SULF1: variants seen among roughly 807,000 people sequenced by gnomAD.
SULF1 encodes sulfatase 1.
Under a neutral mutation model 110.5 loss-of-function variants are expected in SULF1, and 46 were observed. The observed-to-expected ratio is 0.42, with a 90% CI of 0.33 to 0.53. The LOEUF (loss-of-function observed/expected upper bound fraction) is 0.53, where lower values mean the gene tolerates loss of function less well. SULF1 is among the 20% of genes least tolerant of loss of function. The pLI is 0.12. For missense variants in SULF1, 941 were observed against 1,094.2 expected (o/e 0.86, Z 1.98); for synonymous variants, 371 against 387.1 (o/e 0.96, Z 0.49).
chr8:69,569,913 GA>G (rs5892204), intron 5 of SULF1, among the ~76,000 whole-genome samples: 48,803 of 149,396 alleles, frequency 0.33, 8,083 homozygotes, highest in Middle Eastern at 0.41. Flanking sequence ...AGTTTGGGTA[GA>G]AAAAAAAATA....
In SULF1 at chr8:69,603,218, AC is replaced by A; in HGVS notation, c.1089del (p.Leu364TrpfsTer49). 1 of 1,614,124 alleles carries A rather than the reference AC, an allele frequency of 6.2e-7. No individual in the cohort carries two copies. The highest frequency in any genetic ancestry group is 8.5e-7 in the Non-Finnish European group (1 of 1,180,024). ...GTCCCACAGATCGTTCTCAACATTG[AC>A]TTGGCCCCCACGATCCTGGATATTG... is the stretch of plus-strand genomic sequence containing the variant. ...SIVPQIVLNI[D>X]LAPTILDIAG... On this transcript the variant is annotated frameshift_variant, in exon 11 of 23. Transcript: ENST00000402687. LOFTEE classifies it high-confidence loss of function.
chr8:69,556,503 A>G (rs905973641), intron 3 of SULF1, among the ~76,000 whole-genome samples: 12 of 152,244 alleles, frequency 7.9e-5, no homozygotes, highest in Non-Finnish European at 1.8e-4. Context: ...TGTGACTTGC[A>G]GTATGAGTGA....
chr8:69,659,025 C>T lies in SULF1; in HGVS notation c.*490C>T, dbSNP rs1374684403. 2.2e-5 allele frequency: 10 copies of T among 457,096 alleles called. No homozygotes were observed. Among genetic ancestry groups the T allele is most frequent in the South Asian group, 7.7e-5 (5 of 64,576 alleles). 28.3% of individuals were successfully genotyped at this position (457,096 alleles called of 1,614,324 possible). A position where few individuals can be genotyped will look rare whatever the true frequency, so the allele number is the denominator to read the frequency against. ...ATCATCTGGAAACCGATTTCAGTGGCGATGGCATGACAGAGCTAGAGCTCG... is the reference window on the plus strand; with the variant it reads ...ATCATCTGGAAACCGATTTCAGTGGTGATGGCATGACAGAGCTAGAGCTCG... On this transcript the variant is annotated 3_prime_UTR_variant, in exon 23 of 23. Transcript: ENST00000402687.
At position 69,563,575 on chromosome 8, in the gene SULF1, TAG is replaced by T. The variant is rs1408168757; in HGVS notation, c.-93_-92del. ...CAGATGTTCTGAATACCTCTGAGAATAGAGATTGATTATTCAACCAGGATACC... is the reference window on the plus strand; with the variant it reads ...CAGATGTTCTGAATACCTCTGAGAATAGATTGATTATTCAACCAGGATACC... On this transcript the variant is annotated 5_prime_UTR_variant, in exon 4 of 23. An upstream open reading frame in the 5' UTR loses its in-frame stop. Coordinates refer to ENST00000402687, the MANE Select transcript of SULF1 (RefSeq NM_001128205.2). 5.7e-6 allele frequency: 1 copy of T among 174,044 alleles called. No individual in the cohort carries two copies. Among genetic ancestry groups the T allele is most frequent in the Non-Finnish European group, 1.2e-5 (1 of 81,110 alleles). 10.8% of individuals were successfully genotyped at this position (174,044 alleles called of 1,614,324 possible). A position where few individuals can be genotyped will look rare whatever the true frequency, so the allele number is the denominator to read the frequency against.
chr8:69,652,102 C>T (rs551764940), intron 22 of SULF1, among the ~76,000 whole-genome samples: 123 of 152,140 alleles, frequency 8.1e-4, no homozygotes, highest in Non-Finnish European at 1.6e-3. Context: ...CTCCCCCAAC[C>T]CCCACCTTCC....
chr8:69,543,962 G>T (rs146260122), intron 3 of SULF1, among the ~76,000 whole-genome samples: 1 of 152,262 alleles, frequency 6.6e-6, no homozygotes, highest in Non-Finnish European at 1.5e-5. Flanking sequence ...ATCAATGTCA[G>T]TATTTTCCAT....
intron 13 of SULF1, among the ~76,000 whole-genome samples, chr8:69,619,076 TTATTTGAATA>T (rs1417216521): frequency 2.0e-5 from 3 of 152,140 alleles, no homozygotes; most frequent in Non-Finnish European, 2.9e-5. Context: ...AATTATTTAT[TTATTTGAATA>T]TATTTGAAAA....
At chr8:69,640,894 A>T in intron 22 of SULF1, 53 bp downstream of exon 22, 2 of 1,562,630 alleles carry the variant, frequency 1.3e-6, no homozygotes, top group Non-Finnish European at 1.7e-6. Flanking sequence ...TAATTGCATG[A>T]TCCAGTGGTT....
intron 2 of SULF1, among the ~76,000 whole-genome samples, chr8:69,497,956 A>G (rs79439847): frequency 3.3e-4 from 50 of 152,320 alleles, no homozygotes; most frequent in Non-Finnish European, 6.0e-4. Flanking sequence ...TTACTTGAAG[A>G]TGGTAATGTC....
At chr8:69,645,939 A>G (rs867082252) in intron 22 of SULF1, among the ~76,000 whole-genome samples, 2 of 151,942 alleles carry the variant, frequency 1.3e-5, no homozygotes, top group Non-Finnish European at 2.9e-5. Flanking sequence ...AAATATTGTT[A>G]TGTATTTGTT....
Position 69,629,599 on chromosome 8 carries a change from AG to A in SULF1, c.2209del (p.Glu737LysfsTer67). On this transcript the variant is annotated frameshift_variant, in exon 19 of 23. Coordinates refer to ENST00000402687, the MANE Select transcript of SULF1 (RefSeq NM_001128205.2). LOFTEE classifies it high-confidence loss of function. The part of the protein sequence containing the change: ...KERKEKRRQR[K>X]GEECSLPGLT... ...AGGAAGGAGAAGAGACGGCAGAGGA[AG>A]GGGGAAGAGTGCAGCCTGCCTGGCC... 1.2e-6 allele frequency: 2 copies of A among 1,614,018 alleles called. No individual in the cohort carries two copies. The highest frequency in any genetic ancestry group is 1.7e-6 in the Non-Finnish European group (2 of 1,179,920).
At chr8:69,478,024 T>G (rs1809374026) in intron 1 of SULF1, among the ~76,000 whole-genome samples, 1 of 152,068 alleles carries the variant, frequency 6.6e-6, no homozygotes, top group Non-Finnish European at 1.5e-5. Flanking sequence ...GGCTAAATTT[T>G]TCCTATTTTC....
intron 3 of SULF1, among the ~76,000 whole-genome samples, chr8:69,518,589 G>T (rs758267822): frequency 3.3e-5 from 5 of 152,142 alleles, no homozygotes; most frequent in Non-Finnish European, 7.4e-5. Context: ...TTGTTTTTAA[G>T]TTGTGCTAGG....
intron 19 of SULF1, among the ~76,000 whole-genome samples, chr8:69,630,968 C>G (rs533474237): frequency 9.7e-4 from 147 of 151,576 alleles, no homozygotes; most frequent in Non-Finnish European, 1.8e-3. Flanking sequence ...TCCCTCCCCC[C>G]TGCCCCCACC....
At position 69,660,432 on chromosome 8, in the gene SULF1, T is replaced by C. The variant is rs965572813; in HGVS notation, c.*1897T>C. ...AAATCTGTATTCTTGAAAATATCCT[T>C]GTTGTGTATTAGGTTTTTAAATACC... is the stretch of plus-strand genomic sequence containing the variant. On this transcript the variant is annotated 3_prime_UTR_variant, in exon 23 of 23. Transcript: ENST00000402687. 2 of 152,626 alleles carry C rather than the reference T, an allele frequency of 1.3e-5. No individual in the cohort carries two copies. Among genetic ancestry groups the C allele is most frequent in the African/African-American group, 4.8e-5 (2 of 41,460 alleles). 9.5% of individuals were successfully genotyped at this position (152,626 alleles called of 1,614,324 possible).
intron 6 of SULF1, among the ~76,000 whole-genome samples, chr8:69,577,845 T>A (rs1805729537): frequency 6.6e-6 from 1 of 152,206 alleles, no homozygotes; most frequent in Non-Finnish European, 1.5e-5. Context: ...ACCCAGCACA[T>A]CTGACTCCAA....
intron 1 of SULF1, among the ~76,000 whole-genome samples, chr8:69,479,889 C>G (rs1221378896): frequency 6.6e-6 from 1 of 152,104 alleles, no homozygotes; most frequent in Non-Finnish European, 1.5e-5. Context: ...ACATTGGGAC[C>G]CGACAAGGAA....
chr8:69,603,411 A>G (rs1158059552), intron 11 of SULF1, 91 bp downstream of exon 11: 5 of 1,589,218 alleles, frequency 3.1e-6, no homozygotes, highest in Non-Finnish European at 3.4e-6. Context: ...ACATGGAGGC[A>G]GAATATGCCT....
chr8:69,480,384 GC>G (rs1363273126), intron 1 of SULF1, among the ~76,000 whole-genome samples: 1 of 152,086 alleles, frequency 6.6e-6, no homozygotes, highest in African/African-American at 2.4e-5. Flanking sequence ...CCACTTCACT[GC>G]CTAATACTTC....
Sources: allele counts gnomAD v4.1 joint callset (sites outside exome capture counted in the v4.1 genomes callset), GRCh38; gene constraint gnomAD v4.1.1; transcripts MANE v1.5; gene names NCBI Gene and HGNC (gene_info 2026-07-23, HGNC 2026-07-21).